Variants in MTA3 observed in about 807,000 individuals in gnomAD.
The protein encoded by MTA3 is metastasis associated 1 family member 3.
In MTA3, 34 loss-of-function variants were observed where a neutral mutation model predicts 83.5. The ratio of observed to expected loss-of-function variants is 0.41; its 90% CI spans 0.31 to 0.54. The LOEUF (loss-of-function observed/expected upper bound fraction) is 0.54. MTA3 is among the 20% of genes least tolerant of loss of function. The probability of loss-of-function intolerance (pLI) is 0.33; values close to 1 mark genes in which losing one functional copy is unlikely to be tolerated. For synonymous variants in MTA3, 303 were observed against 252.7 expected (o/e 1.20, Z -1.89); for missense variants, 761 against 726.4 (o/e 1.05, Z -0.55).
intron 16 of MTA3, among the ~76,000 whole-genome samples, chr2:42,737,525 C>A (rs1668699042): frequency 1.3e-5 from 2 of 151,978 alleles, no homozygotes. Flanking sequence ...GATCGCTTAC[C>A]TGATTTTTGG....
intron 3 of MTA3, among the ~76,000 whole-genome samples, chr2:42,594,391 C>G: frequency 6.6e-6 from 1 of 150,462 alleles, no homozygotes. Flanking sequence ...TGTGCACCAC[C>G]ATGCCCGGCT....
intron 2 of MTA3, among the ~76,000 whole-genome samples, chr2:42,560,270 C>G (rs951672694): frequency 6.6e-6 from 1 of 150,820 alleles, no homozygotes; most frequent in Non-Finnish European, 1.5e-5. Context: ...GATCTGCCTG[C>G]GTCGGCCTCC....
At chr2:42,605,622 C>T (rs1157948992) in intron 3 of MTA3, among the ~76,000 whole-genome samples, 1 of 86,490 alleles carries the variant, frequency 1.2e-5, no homozygotes, top group East Asian at 3.7e-4. Context: ...GGGGCTGACA[C>T]CCCCACCTCC....
intron 4 of MTA3, among the ~76,000 whole-genome samples, chr2:42,611,181 C>T (rs546474951): frequency 9.2e-5 from 14 of 151,752 alleles, no homozygotes; most frequent in Non-Finnish European, 7.4e-5. Context: ...GACAGGGTTT[C>T]GCCATGTTGG....
chr2:42,662,940 A>G (rs1363658166), intron 8 of MTA3, among the ~76,000 whole-genome samples: 1 of 152,062 alleles, frequency 6.6e-6, no homozygotes, highest in African/African-American at 2.4e-5. Context: ...CGTGTTGGTC[A>G]GGCTGGTCTC....
At chr2:42,533,639 C>G (rs1186763364) in intron 2 of MTA3, among the ~76,000 whole-genome samples, 1 of 149,778 alleles carries the variant, frequency 6.7e-6, no homozygotes, top group Non-Finnish European at 1.5e-5. Flanking sequence ...CGAGACCATC[C>G]TGGCTAACAC....
At chr2:42,743,444 G>A (rs376269025) in intron 16 of MTA3, among the ~76,000 whole-genome samples, 1 of 152,340 alleles carries the variant, frequency 6.6e-6, no homozygotes, top group East Asian at 1.9e-4. Flanking sequence ...AACAGGCTCA[G>A]AAGAGAGATG....
chr2:42,654,404 G>A (rs999095560), intron 6 of MTA3, among the ~76,000 whole-genome samples: 2 of 152,162 alleles, frequency 1.3e-5, no homozygotes, highest in Non-Finnish European at 2.9e-5. Flanking sequence ...CAGATGCAGT[G>A]ATCAAAAGCA....
rs142470561 is a variant in MTA3 at position 42,637,064 on chromosome 2, C to T, written c.318-3109C>T. Among the ~76,000 whole-genome samples, 575 of 152,280 alleles carry T rather than the reference C, an allele frequency of 3.8e-3. 2 individuals are homozygous for T. The highest frequency in any genetic ancestry group is 0.012 in the African/African-American group (510 of 41,562). On this transcript the variant is annotated intron_variant, in intron 4 of 16. Coordinates refer to ENST00000405094, the MANE Select transcript of MTA3 (RefSeq NM_001330442.2). ...AAGTAGCAGATTCCAGGCTGATCAGCGCCTGCTGTTGAACGTGTGACTTTG... is the reference window on the plus strand; with the variant it reads ...AAGTAGCAGATTCCAGGCTGATCAGTGCCTGCTGTTGAACGTGTGACTTTG...
At chr2:42,634,313 A>T (rs2104272878) in intron 4 of MTA3, among the ~76,000 whole-genome samples, 1 of 152,348 alleles carries the variant, frequency 6.6e-6, no homozygotes, top group South Asian at 2.1e-4. Context: ...GTCTATTCTC[A>T]CACTGCTATA....
chr2:42,608,749 T>A (rs1029612256), intron 3 of MTA3, among the ~76,000 whole-genome samples: 1 of 152,000 alleles, frequency 6.6e-6, no homozygotes, highest in Non-Finnish European at 1.5e-5. Flanking sequence ...CCAGGTGTGG[T>A]GATGTACGCC....
intron 2 of MTA3, among the ~76,000 whole-genome samples, chr2:42,530,918 C>A (rs1011926649): frequency 1.3e-5 from 2 of 152,156 alleles, no homozygotes; most frequent in Non-Finnish European, 2.9e-5. Context: ...CAACCTCCAC[C>A]TCCCAGGTTT....
Position 42,662,751 on chromosome 2 carries a change from A to G in MTA3, c.702+2889A>G, listed in dbSNP as rs1184379126. Among the ~76,000 whole-genome samples, 5 of 99,270 alleles carry G rather than the reference A, an allele frequency of 5.0e-5. No homozygotes were observed. The South Asian group carries it at 9.9e-4, about 20-fold the overall frequency. 65.1% of individuals were successfully genotyped at this position (99,270 alleles called of 152,430 possible). A position where few individuals can be genotyped will look rare whatever the true frequency, so the allele number is the denominator to read the frequency against. On this transcript the variant is annotated intron_variant, in intron 8 of 16. Transcript: ENST00000405094. ...TAAATACTTTTTTTTTTTTTTTTTG[A>G]GACAGAGTCTCGCCCTGTCGCCCAG... is the stretch of plus-strand genomic sequence containing the variant.
intron 8 of MTA3, among the ~76,000 whole-genome samples, chr2:42,676,127 A>T (rs1691333534): frequency 2.0e-5 from 3 of 152,160 alleles, no homozygotes; most frequent in African/African-American, 7.2e-5. Context: ...ATTCTTTCTC[A>T]TTTGATTTGA....
Position 42,708,981 on chromosome 2 carries a change from T to C in MTA3, c.1410T>C (p.Leu470=). 1.9e-6 allele frequency: 3 copies of C among 1,614,040 alleles called. No individual in the cohort carries two copies. Among genetic ancestry groups the C allele is most frequent in the Non-Finnish European group, 2.5e-6 (3 of 1,179,906 alleles). ...TGAAGACCCGCCAAGCTTTCTTCCT[T>C]CATACTACATATTTCACAAAATTTG... ...SAVKTRQAFF[L]HTTYFTKFAR... Residue 470 remains leucine, a synonymous_variant, in exon 14 of 17, where the codon CTT becomes CTC. Coordinates refer to ENST00000405094, the MANE Select transcript of MTA3 (RefSeq NM_001330442.2).
At chr2:42,696,276 C>T (rs1693382732) in intron 10 of MTA3, among the ~76,000 whole-genome samples, 1 of 152,098 alleles carries the variant, frequency 6.6e-6, no homozygotes, top group Non-Finnish European at 1.5e-5. Flanking sequence ...TGGCTATACC[C>T]CCGAAATCCT....
intron 9 of MTA3, among the ~76,000 whole-genome samples, chr2:42,688,784 A>G (rs1692623950): frequency 6.6e-6 from 1 of 151,422 alleles, no homozygotes; most frequent in Non-Finnish European, 1.5e-5. Context: ...TTTTGTTTTT[A>G]TTTCCCATCT....
chr2:42,676,099 G>C (rs8179836), intron 8 of MTA3, among the ~76,000 whole-genome samples: 97,435 of 152,106 alleles, frequency 0.64, 31,251 homozygotes, highest in Middle Eastern at 0.72. Context: ...ATCTCCTGGT[G>C]AACAGTAATT....
chr2:42,546,534 T>G (rs1220760251), intron 2 of MTA3, among the ~76,000 whole-genome samples: 1 of 152,174 alleles, frequency 6.6e-6, no homozygotes, highest in Non-Finnish European at 1.5e-5. Context: ...TGAAAAAAAT[T>G]ACTTGCAGTT....
Sources: gnomAD v4.1 joint callset for allele counts (sites outside exome capture counted in the v4.1 genomes callset) on GRCh38, gnomAD v4.1.1 for gene constraint, MANE v1.5 for transcripts, NCBI Gene and HGNC (gene_info 2026-07-23, HGNC 2026-07-21) for gene names.